CMTR1: variants seen among roughly 807,000 people sequenced by gnomAD.
The protein encoded by CMTR1 is cap-specific mRNA (nucleoside-2'-O-)-methyltransferase 1.
In CMTR1, 39 loss-of-function variants were observed where a neutral mutation model predicts 107.0. That is an observed-to-expected ratio of 0.36 (90% CI 0.28 to 0.48). The LOEUF is 0.48. CMTR1 is among the 20% of genes least tolerant of loss of function. CMTR1 has a pLI of 0.99. For synonymous variants in CMTR1, 366 were observed against 379.5 expected (o/e 0.96, Z 0.41); for missense variants, 672 against 1,064.9 (o/e 0.63, Z 5.14).
chr6:37,441,838 T>C (rs553752350), intron 2 of CMTR1, among the ~76,000 whole-genome samples: 1 of 152,340 alleles, frequency 6.6e-6, no homozygotes, highest in African/African-American at 2.4e-5. Context: ...GTCTGGGTTT[T>C]CTGAGTGGCA....
rs1249318860 is a variant in CMTR1, at chr6:37,480,682, T to G, written c.*537T>G. On this transcript the variant is annotated 3_prime_UTR_variant, in exon 24 of 24. Coordinates refer to ENST00000373451, the MANE Select transcript of CMTR1 (RefSeq NM_015050.3). ...AACTTACTCTGTTTTGATGCCAAATTGGAGACCATTTTCTTGTCTCCTTCC... is the reference window on the plus strand; with the variant it reads ...AACTTACTCTGTTTTGATGCCAAATGGGAGACCATTTTCTTGTCTCCTTCC... 1 of 1,019,436 alleles carries G rather than the reference T, an allele frequency of 9.8e-7. No individual in the cohort carries two copies. Among genetic ancestry groups the G allele is most frequent in the Non-Finnish European group, 1.2e-6 (1 of 852,480 alleles). 63.1% of individuals were successfully genotyped at this position (1,019,436 alleles called of 1,614,324 possible).
intron 23 of CMTR1, 139 bp from the exon 24 acceptor site, chr6:37,479,874 C>T: frequency 1.2e-6 from 1 of 817,998 alleles, no homozygotes; most frequent in South Asian, 2.2e-5. Context: ...TTAGGGCCTA[C>T]CGGGTACCTT....
chr6:37,437,516 CAAAAAAA>C (rs35749564), intron 2 of CMTR1, among the ~76,000 whole-genome samples: 1 of 118,396 alleles, frequency 8.4e-6, no homozygotes, highest in Non-Finnish European at 1.7e-5. Context: ...GAGTCCGTCT[CAAAAAAA>C]AAAAAAAAAA....
In CMTR1 at chr6:37,435,745, T is replaced by G; in HGVS notation, c.116T>G (p.Val39Gly). 1.3e-6 allele frequency: 2 copies of G among 1,596,004 alleles called. No homozygotes were observed. The highest frequency in any genetic ancestry group is 1.7e-6 in the Non-Finnish European group (2 of 1,173,880). ...STSDDEPPSS[V>G]SHGAKASTTS... ...TCCGATGATGAACCTCCCTCCTCTG[T>G]CAGTCATGGAGCAAAAGGTACGTGT... The change falls in exon 2 of 24, where the codon GTC becomes GGC. Residue 39 changes from valine to glycine, a missense_variant. By Grantham distance (109) the Val-to-Gly change is moderately radical. This residue lies in a region of CMTR1 where 89 missense variants were observed against 96.6 expected (regional missense o/e 0.92). Coordinates refer to ENST00000373451, the MANE Select transcript of CMTR1 (RefSeq NM_015050.3).
chr6:37,452,204 C>G (rs1223387041), intron 6 of CMTR1, among the ~76,000 whole-genome samples: 1 of 152,256 alleles, frequency 6.6e-6, no homozygotes, highest in East Asian at 1.9e-4. Flanking sequence ...GATTCAAATC[C>G]AAGATCTGCA....
Position 37,477,550 on chromosome 6 carries a change from C to T in CMTR1, c.2106-42C>T, listed in dbSNP as rs757694653. On this transcript the variant is annotated intron_variant, in intron 20 of 23. Transcript: ENST00000373451. The stretch of plus-strand genomic sequence containing the variant: ...CAGCTGCCTCCTGGATGAGAATGTC[C>T]CCCAGGAAGCCTTTGTCTTGTCTCT... The T allele has an allele frequency of 6.4e-6, 10 of 1,571,558 alleles. No individual in the cohort carries two copies. The East Asian group carries it at 2.2e-4, about 35-fold the overall frequency.
chr6:37,472,481 A>T lies in CMTR1; in HGVS notation c.1683A>T (p.Leu561=). 6.2e-7 allele frequency: 1 copy of T among 1,614,110 alleles called. No individual in the cohort carries two copies. Among genetic ancestry groups the T allele is most frequent in the Non-Finnish European group, 8.5e-7 (1 of 1,179,944 alleles). The change falls in exon 16 of 24, where the codon CTA becomes CTT. Residue 561 remains leucine (L), a synonymous_variant. Coordinates refer to ENST00000373451, the MANE Select transcript of CMTR1 (RefSeq NM_015050.3). The surrounding 1 kb of genome is among the most constrained non-coding windows in gnomAD (Gnocchi z 4.1). ...SSDPKSKFFE[L]IQGTEIDIFS... Reference sequence around the variant, plus strand: ...ACCCTAAATCGAAGTTCTTTGAGCTAATCCAGGTAAGACTGGTATCTGTGG... The same window carrying T: ...ACCCTAAATCGAAGTTCTTTGAGCTTATCCAGGTAAGACTGGTATCTGTGG...
the CMTR1 span, among the ~76,000 whole-genome samples, chr6:37,426,531 C>T: frequency 6.6e-6 from 1 of 151,556 alleles, no homozygotes; most frequent in Non-Finnish European, 1.5e-5. Flanking sequence ...TTAAGGTCTC[C>T]TCAGGTCTTT....
intron 13 of CMTR1, among the ~76,000 whole-genome samples, chr6:37,464,991 C>T (rs1043187192): frequency 2.7e-5 from 4 of 150,532 alleles, no homozygotes; most frequent in African/African-American, 5.0e-5. Context: ...ATATTATGGC[C>T]GGGCGCGGTG....
At chr6:37,428,002 CAGAGACAGAGAGAGAGAG>C in the CMTR1 span, among the ~76,000 whole-genome samples, 387 of 87,724 alleles carry the variant, frequency 4.4e-3, 1 homozygote, top group African/African-American at 0.015. Context: ...ACCTAAGCAA[CAGAGACAGAGAGAGAGAG>C]AGAGAGAGAG....
At chr6:37,434,176 T>C (rs186808735) in intron 1 of CMTR1, among the ~76,000 whole-genome samples, 4 of 152,024 alleles carry the variant, frequency 2.6e-5, no homozygotes, top group Admixed American at 6.6e-5. Flanking sequence ...TTGCTCAGTG[T>C]CTCCGGTTCT....
intron 10 of CMTR1, among the ~76,000 whole-genome samples, chr6:37,460,612 T>A (rs1761383824): frequency 6.6e-6 from 1 of 152,072 alleles, no homozygotes; most frequent in African/African-American, 2.4e-5. Context: ...CCTAAACATT[T>A]CTTATCCTGA....
intron 2 of CMTR1, 39 bp from the exon 3 acceptor site, chr6:37,443,960 C>T (rs1239189152): frequency 6.2e-7 from 1 of 1,606,064 alleles, no homozygotes; most frequent in Admixed American, 1.7e-5. Context: ...CTATTTTGTG[C>T]CATAAACCTA....
chr6:37,480,283 C>T lies in CMTR1; in HGVS notation c.*138C>T. On this transcript the variant is annotated 3_prime_UTR_variant, in exon 24 of 24. Coordinates refer to ENST00000373451, the MANE Select transcript of CMTR1 (RefSeq NM_015050.3). ...GCACCTGGCATGAGGAGTGGGTGGC[C>T]TCCTCTCCATCCCCTGAAGAGCTCA... The T allele has an allele frequency of 6.8e-7, 1 of 1,463,626 alleles. No individual in the cohort carries two copies. Among genetic ancestry groups the T allele is most frequent in the Non-Finnish European group, 8.9e-7 (1 of 1,124,212 alleles). 90.7% of individuals were successfully genotyped at this position (1,463,626 alleles called of 1,614,324 possible). A position where few individuals can be genotyped will look rare whatever the true frequency, so the allele number is the denominator to read the frequency against.
chr6:37,459,642 T>A lies in CMTR1; in HGVS notation c.1053T>A (p.Asp351Glu). 1 of 1,614,182 alleles carries A rather than the reference T, an allele frequency of 6.2e-7. No homozygotes were observed. The highest frequency in any genetic ancestry group is 1.3e-5 in the African/African-American group (1 of 75,038). ...CTGCTTTTCGGAATTTTGTCCTGGA[T>A]AACACAGATCGCAAGGGTGTCCATT... ...NISAFRNFVL[D>E]NTDRKGVHFL... The change falls in exon 10 of 24, where the codon GAT becomes GAA. Residue 351 changes from aspartate to glutamate, a missense_variant. Transcript: ENST00000373451.
At chr6:37,425,185 G>A in the CMTR1 span, among the ~76,000 whole-genome samples, 2 of 147,978 alleles carry the variant, frequency 1.4e-5, no homozygotes, top group African/African-American at 2.5e-5. Context: ...TTCATGATCC[G>A]CCCGCCTTGG....
chr6:37,435,782 C>G lies in CMTR1; in HGVS notation c.133+20C>G, dbSNP rs779782983. 4 of 1,563,436 alleles carry G rather than the reference C, an allele frequency of 2.6e-6. No individual in the cohort carries two copies. The highest frequency in any genetic ancestry group is 2.6e-6 in the Non-Finnish European group (3 of 1,162,008). On this transcript the variant is annotated intron_variant, in intron 2 of 23. Transcript: ENST00000373451. Reference sequence around the variant, plus strand: ...CAAAAGGTACGTGTGCTTGTGTGGTCTGAGGCCACTGGCCATCTGGTTATT... The same window carrying G: ...CAAAAGGTACGTGTGCTTGTGTGGTGTGAGGCCACTGGCCATCTGGTTATT...
intron 3 of CMTR1, among the ~76,000 whole-genome samples, chr6:37,445,172 A>G (rs1771757003): frequency 6.6e-6 from 1 of 152,226 alleles, no homozygotes; most frequent in Non-Finnish European, 1.5e-5. Flanking sequence ...AAAGATGGGA[A>G]GGCTTGTGAC....
At position 37,452,947 on chromosome 6, in the gene CMTR1, G is replaced by C. The variant is rs925343972; in HGVS notation, c.610-100G>C. The C allele has an allele frequency of 4.0e-6, 4 of 998,130 alleles. No individual in the cohort carries two copies. The Admixed American group carries it at 7.0e-5, about 18-fold the overall frequency. The allele number at this position is 998,130 out of a possible 1,614,324, so 61.8% of individuals were successfully genotyped here. On this transcript the variant is annotated intron_variant, in intron 6 of 23. Transcript: ENST00000373451. ...GACATTTCAGAGCTGAGATGCCACA[G>C]GAATCTTGTTCCTTGGAGGGCTGTG...
Sources: gnomAD v4.1 joint callset for allele counts (sites outside exome capture counted in the v4.1 genomes callset) on GRCh38, gnomAD v4.1.1 for gene constraint, gnomAD v4.1.1 regional missense constraint, Gnocchi (gnomAD v3.1) non-coding constraint, MANE v1.5 for transcripts, NCBI Gene and HGNC (gene_info 2026-07-23, HGNC 2026-07-21) for gene names.